The following KCND2 variants were observed in gnomAD, a reference collection of about 807,000 sequenced individuals.
The protein encoded by KCND2 is potassium voltage-gated channel subfamily D member 2, also known as A-type voltage-gated potassium channel KCND2.
A neutral mutation model predicts 54.4 loss-of-function variants in KCND2; 16 were observed. That is an observed-to-expected ratio of 0.29 (90% CI 0.20 to 0.45). The LOEUF (loss-of-function observed/expected upper bound fraction) is 0.45. KCND2 is among the 20% of genes least tolerant of loss of function. The pLI, the probability that KCND2 is intolerant of heterozygous loss-of-function variation, is 1.00. For missense variants in KCND2, 486 were observed against 824.2 expected, an observed-to-expected ratio of 0.59 and a Z score of 5.02; for synonymous variants, 317 against 310.7, an observed-to-expected ratio of 1.02 and a Z score of -0.21.
intron 1 of KCND2, among the ~76,000 whole-genome samples, chr7:120,678,375 GCA>G (rs1440719060): frequency 1.1e-5 from 1 of 92,010 alleles, no homozygotes; most frequent in Admixed American, 1.1e-4. Flanking sequence ...ATATATATAC[GCA>G]CACACACATA....
intron 1 of KCND2, among the ~76,000 whole-genome samples, chr7:120,695,124 A>G (rs756620813): frequency 6.6e-6 from 1 of 152,068 alleles, no homozygotes; most frequent in African/African-American, 2.4e-5. Context: ...TGCTAAATAC[A>G]TGATGTAGCA....
intron 1 of KCND2, among the ~76,000 whole-genome samples, chr7:120,351,377 C>G (rs1036636114): frequency 8.4e-6 from 1 of 119,416 alleles, no homozygotes; most frequent in African/African-American, 4.3e-5. Flanking sequence ...CACACACACA[C>G]ACACACACAC....
rs573238378 is a variant in KCND2 at position 120,317,686 on chromosome 7, ACT to A, written c.1115+41942_1115+41943del. Among the ~76,000 whole-genome samples, 387 of 152,160 alleles carry A rather than the reference ACT, an allele frequency of 2.5e-3. 2 individuals carry two copies. Among genetic ancestry groups the A allele is most frequent in the African/African-American group, 8.7e-3 (362 of 41,524 alleles). On this transcript the variant is annotated intron_variant, in intron 1 of 5. Transcript: ENST00000331113. ...ACTTCATCCGCATTTGATTTGTGTA[ACT>A]CTATGATATGGCTGAGATTGCAGTA... is the stretch of plus-strand genomic sequence containing the variant.
At chr7:120,490,601 C>T (rs1476589528) in intron 1 of KCND2, among the ~76,000 whole-genome samples, 2 of 152,092 alleles carry the variant, frequency 1.3e-5, no homozygotes, top group Non-Finnish European at 1.5e-5. Context: ...AGTCAAGGCA[C>T]TCAGAATGCA....
chr7:120,305,761 G>A (rs930583063), intron 1 of KCND2, among the ~76,000 whole-genome samples: 2 of 152,104 alleles, frequency 1.3e-5, no homozygotes, highest in Admixed American at 1.3e-4. Flanking sequence ...GGTTTTCCCA[G>A]AGGTATTATG....
At chr7:120,512,500 A>G (rs916046909) in intron 1 of KCND2, among the ~76,000 whole-genome samples, 1 of 151,960 alleles carries the variant, frequency 6.6e-6, no homozygotes, top group Non-Finnish European at 1.5e-5. Flanking sequence ...AGGAAAAGGT[A>G]GCAATTATAG....
chr7:120,539,357 G>A (rs1290693720), intron 1 of KCND2, among the ~76,000 whole-genome samples: 1 of 152,204 alleles, frequency 6.6e-6, no homozygotes, highest in Non-Finnish European at 1.5e-5. Flanking sequence ...AGTCATCTCT[G>A]AAGAGAGCTT....
At chr7:120,606,161 T>G (rs1002850131) in intron 1 of KCND2, among the ~76,000 whole-genome samples, 1 of 152,214 alleles carries the variant, frequency 6.6e-6, no homozygotes, top group Non-Finnish European at 1.5e-5. Flanking sequence ...CAACATCTTT[T>G]TCTTTATTAA....
intron 1 of KCND2, among the ~76,000 whole-genome samples, chr7:120,292,414 A>G (rs1312764030): frequency 1.3e-5 from 2 of 151,910 alleles, no homozygotes; most frequent in Non-Finnish European, 2.9e-5. Context: ...AAATTTAGTG[A>G]CATGTTTCAC....
At chr7:120,394,237 T>C (rs1270938987) in intron 1 of KCND2, among the ~76,000 whole-genome samples, 1 of 151,934 alleles carries the variant, frequency 6.6e-6, no homozygotes. Context: ...TTTTCAAGTA[T>C]AGTTTGGTGG....
chr7:120,657,714 G>T (rs1189159116), intron 1 of KCND2, among the ~76,000 whole-genome samples: 1 of 152,098 alleles, frequency 6.6e-6, no homozygotes, highest in Non-Finnish European at 1.5e-5. Flanking sequence ...AATTCACGGG[G>T]CAGTGCCCCT....
chr7:120,306,631 G>T (rs143207649), intron 1 of KCND2, among the ~76,000 whole-genome samples: 1 of 151,800 alleles, frequency 6.6e-6, no homozygotes, highest in East Asian at 1.9e-4. Context: ...ATTCAAAATC[G>T]ACTAATAATT....
At chr7:120,506,544 A>G (rs1385106412) in intron 1 of KCND2, among the ~76,000 whole-genome samples, 1 of 151,900 alleles carries the variant, frequency 6.6e-6, no homozygotes, top group African/African-American at 2.4e-5. Flanking sequence ...AAAGCTTTTG[A>G]GACCCTATTC....
At chr7:120,618,683 T>C (rs1349103023) in intron 1 of KCND2, among the ~76,000 whole-genome samples, 1 of 152,190 alleles carries the variant, frequency 6.6e-6, no homozygotes, top group African/African-American at 2.4e-5. Flanking sequence ...CACGGAACTG[T>C]TAAAGGATTT....
intron 2 of KCND2, among the ~76,000 whole-genome samples, chr7:120,737,336 G>T (rs768207185): frequency 2.6e-4 from 40 of 152,026 alleles, no homozygotes; most frequent in Non-Finnish European, 5.2e-4. Context: ...GATCTCTTAG[G>T]TTATCTACTG....
At chr7:120,467,797 T>C (rs571328693) in intron 1 of KCND2, among the ~76,000 whole-genome samples, 2 of 152,200 alleles carry the variant, frequency 1.3e-5, no homozygotes, top group Admixed American at 6.6e-5. Flanking sequence ...AAGAAAACAA[T>C]TGTAACCAGA....
At chr7:120,612,096 C>G (rs183658920) in intron 1 of KCND2, among the ~76,000 whole-genome samples, 45 of 152,132 alleles carry the variant, frequency 3.0e-4, no homozygotes, top group African/African-American at 9.6e-4. Context: ...CACTCTCTAC[C>G]CAAGATATGA....
chr7:120,509,733 A>T (rs1219450836), intron 1 of KCND2, among the ~76,000 whole-genome samples: 1 of 152,094 alleles, frequency 6.6e-6, no homozygotes, highest in Non-Finnish European at 1.5e-5. Flanking sequence ...ACTGAAACAG[A>T]GTTTTCCGTT....
chr7:120,652,905 A>G (rs1791755621), intron 1 of KCND2, among the ~76,000 whole-genome samples: 1 of 152,190 alleles, frequency 6.6e-6, no homozygotes, highest in African/African-American at 2.4e-5. Context: ...CCTTATTTTT[A>G]TTATACTTTT....
Sources: gnomAD v4.1 joint callset for allele counts (sites outside exome capture counted in the v4.1 genomes callset) on GRCh38, gnomAD v4.1.1 for gene constraint, MANE v1.5 for transcripts, NCBI Gene and HGNC (gene_info 2026-07-23, HGNC 2026-07-21) for gene names.